Variants in NEDD4L observed in about 807,000 individuals in gnomAD.
NEDD4L encodes NEDD4 like E3 ubiquitin protein ligase, also known as E3 ubiquitin-protein ligase NEDD4-like.
In NEDD4L, 54 loss-of-function variants were observed where a neutral mutation model predicts 148.9. The observed-to-expected ratio is 0.36, with a 90% CI of 0.29 to 0.45. The LOEUF is 0.45. Ranked by LOEUF, NEDD4L falls within the 20% of genes least tolerant of loss-of-function variation. The pLI is 1.00. For synonymous variants in NEDD4L, 433 were observed against 440.7 expected (o/e 0.98, Z 0.22); for missense variants, 856 against 1,233.8 (o/e 0.69, Z 4.59).
In NEDD4L at chr18:58,044,433, C is replaced by A; in HGVS notation, c.-228C>A. The stretch of plus-strand genomic sequence containing the variant: ...CCGGTGCTCGGCGCGCTCTCGGGAG[C>A]CGCCCGCCCGCTGGTCCCGCAGCCT... On this transcript the variant is annotated 5_prime_UTR_variant, in exon 1 of 31. Transcript: ENST00000400345. The A allele has an allele frequency of 2.6e-6, 1 of 384,004 alleles. No homozygotes were observed. Among genetic ancestry groups the A allele is most frequent in the South Asian group, 1.3e-4 (1 of 7,784 alleles). 23.8% of individuals were successfully genotyped at this position (384,004 alleles called of 1,614,324 possible). A position where few individuals can be genotyped will look rare whatever the true frequency, so the allele number is the denominator to read the frequency against.
At chr18:58,207,262 G>A (rs2051306) in intron 2 of NEDD4L, among the ~76,000 whole-genome samples, 61,250 of 151,878 alleles carry the variant, frequency 0.4, 15,453 homozygotes, top group Non-Finnish European at 0.56. Context: ...ATGAAAACCA[G>A]AGTGCTGTGT....
chr18:58,386,200 G>A (rs923746748), intron 26 of NEDD4L, among the ~76,000 whole-genome samples: 7 of 151,552 alleles, frequency 4.6e-5, no homozygotes, highest in African/African-American at 9.7e-5. Context: ...CTACAGGCAC[G>A]CGCCACCACA....
At chr18:58,065,037 C>G (rs943797587) in intron 1 of NEDD4L, among the ~76,000 whole-genome samples, 2 of 152,214 alleles carry the variant, frequency 1.3e-5, no homozygotes, top group African/African-American at 2.4e-5. Flanking sequence ...CAATATATAG[C>G]TCTGGTTCTT....
At chr18:58,153,324 A>G (rs1318880380) in intron 1 of NEDD4L, among the ~76,000 whole-genome samples, 1 of 150,574 alleles carries the variant, frequency 6.6e-6, no homozygotes, top group African/African-American at 2.4e-5. Context: ...TGGAAGTGGG[A>G]AGAGATTGAC....
At chr18:58,244,680 T>A (rs747654992) in intron 2 of NEDD4L, among the ~76,000 whole-genome samples, 8 of 152,138 alleles carry the variant, frequency 5.3e-5, no homozygotes, top group Non-Finnish European at 1.2e-4. Flanking sequence ...TTTTTATGTT[T>A]TTGTTTTTGT....
At chr18:58,382,677 C>T (rs961640166) in intron 24 of NEDD4L, among the ~76,000 whole-genome samples, 3 of 152,038 alleles carry the variant, frequency 2.0e-5, no homozygotes, top group Admixed American at 2.0e-4. Context: ...ATGGGTGGTG[C>T]TAAGGGAGGA....
intron 1 of NEDD4L, among the ~76,000 whole-genome samples, chr18:58,066,839 C>T (rs941025967): frequency 6.6e-6 from 1 of 151,892 alleles, no homozygotes; most frequent in African/African-American, 2.4e-5. Context: ...TTTAAATAAC[C>T]AAGCACAGAC....
At chr18:58,210,083 C>A (rs903033672) in intron 2 of NEDD4L, among the ~76,000 whole-genome samples, 3 of 152,064 alleles carry the variant, frequency 2.0e-5, no homozygotes, top group African/African-American at 7.2e-5. Context: ...GGAGAATTGC[C>A]CAAACCTGGG....
chr18:58,209,000 A>AT (rs1242507910), intron 2 of NEDD4L, among the ~76,000 whole-genome samples: 2 of 152,000 alleles, frequency 1.3e-5, no homozygotes, highest in African/African-American at 4.8e-5. Context: ...TCCAGTGGGA[A>AT]TTTTTTTGTT....
intron 18 of NEDD4L, among the ~76,000 whole-genome samples, chr18:58,355,512 A>C (rs973057714): frequency 1.2e-4 from 18 of 152,182 alleles, no homozygotes; most frequent in African/African-American, 3.9e-4. Context: ...GGAGTTATTC[A>C]TTTATTTTCT....
chr18:58,263,049 A>T (rs1468095317), intron 5 of NEDD4L, among the ~76,000 whole-genome samples: 1 of 152,240 alleles, frequency 6.6e-6, no homozygotes, highest in East Asian at 1.9e-4. Flanking sequence ...GGGACAGGTC[A>T]TGAAATCAAA....
intron 16 of NEDD4L, among the ~76,000 whole-genome samples, chr18:58,343,829 C>T (rs1207795692): frequency 6.6e-6 from 1 of 152,190 alleles, no homozygotes; most frequent in Non-Finnish European, 1.5e-5. Flanking sequence ...GAATCGGTGG[C>T]TTTTTCAGTG....
rs77813390 is a variant in NEDD4L, at chr18:58,294,933, T to C, written c.298-21049T>C. ...ATTTGGTTGGCCATTGGAGCTGTTT[T>C]TCCTTTTTCTTTTTAAACTGACTTT... On this transcript the variant is annotated intron_variant, in intron 5 of 30. Coordinates refer to ENST00000400345, the MANE Select transcript of NEDD4L (RefSeq NM_001144967.3). Among the ~76,000 whole-genome samples the C allele has an allele frequency of 1.8e-3, 272 of 152,334 alleles. 1 individual carries two copies. Among genetic ancestry groups the C allele is most frequent in the African/African-American group, 6.3e-3 (262 of 41,576 alleles).
intron 2 of NEDD4L, among the ~76,000 whole-genome samples, chr18:58,184,049 G>A (rs778300576): frequency 4.6e-5 from 7 of 152,114 alleles, no homozygotes; most frequent in Non-Finnish European, 7.4e-5. Context: ...GGTGCCTGTA[G>A]TCCCAGCTAC....
chr18:58,280,676 G>C (rs941446435), intron 5 of NEDD4L, among the ~76,000 whole-genome samples: 2 of 152,110 alleles, frequency 1.3e-5, no homozygotes, highest in Non-Finnish European at 2.9e-5. Context: ...CAGTATTGTG[G>C]GGAATTCGGA....
chr18:58,353,869 C>T (rs1019880319), intron 18 of NEDD4L, among the ~76,000 whole-genome samples: 1 of 152,186 alleles, frequency 6.6e-6, no homozygotes, highest in African/African-American at 2.4e-5. Flanking sequence ...TTGTAAATTG[C>T]TTAGAGTCAT....
At chr18:58,218,917 G>T (rs2043435963) in intron 2 of NEDD4L, among the ~76,000 whole-genome samples, 1 of 152,170 alleles carries the variant, frequency 6.6e-6, no homozygotes, top group African/African-American at 2.4e-5. Context: ...TGAAGGCAGT[G>T]GTGGTAACAT....
chr18:58,155,744 G>A (rs1221613798), intron 1 of NEDD4L, among the ~76,000 whole-genome samples: 2 of 152,196 alleles, frequency 1.3e-5, no homozygotes, highest in Admixed American at 6.5e-5. Context: ...CATTCATGGC[G>A]TGTGGTCAGT....
At chr18:58,136,545 CTG>C (rs2146054679) in intron 1 of NEDD4L, among the ~76,000 whole-genome samples, 1 of 152,320 alleles carries the variant, frequency 6.6e-6, no homozygotes, top group South Asian at 2.1e-4. Context: ...GAGCTACTGA[CTG>C]TGACTACAGT....
Sources: gnomAD v4.1 joint callset for allele counts (sites outside exome capture counted in the v4.1 genomes callset) on GRCh38, gnomAD v4.1.1 for gene constraint, MANE v1.5 for transcripts, NCBI Gene and HGNC (gene_info 2026-07-23, HGNC 2026-07-21) for gene names.